Variants in PCDHGA12 observed in about 807,000 individuals in gnomAD.
The protein encoded by PCDHGA12 is protocadherin gamma-A12.
In PCDHGA12, 43 loss-of-function variants were observed where a neutral mutation model predicts 61.1. The ratio of observed to expected loss-of-function variants is 0.70; its 90% CI spans 0.55 to 0.91. The LOEUF (loss-of-function observed/expected upper bound fraction) is 0.91. Ranked by LOEUF, PCDHGA12 falls within the 40% of genes least tolerant of loss-of-function variation. PCDHGA12 has a pLI of 0.00. For synonymous variants in PCDHGA12, 520 were observed against 542.9 expected (o/e 0.96, Z 0.59); for missense variants, 1,236 against 1,227.7 (o/e 1.01, Z -0.10).
At chr5:141,482,809 T>C (rs1295469639) in intron 1 of PCDHGA12, among the ~76,000 whole-genome samples, 1 of 152,170 alleles carries the variant, frequency 6.6e-6, no homozygotes, top group Non-Finnish European at 1.5e-5. Flanking sequence ...CGGTGGCTCA[T>C]GCCTGTAATC....
Position 141,491,329 on chromosome 5 carries a change from G to A in PCDHGA12, c.2425-3478G>A. The A allele has an allele frequency of 6.2e-7, 1 of 1,614,142 alleles. No individual in the cohort carries two copies. Among genetic ancestry groups the A allele is most frequent in the Non-Finnish European group, 8.5e-7 (1 of 1,180,022 alleles). On this transcript the variant is annotated intron_variant, in intron 1 of 3. Coordinates refer to ENST00000252085, the MANE Select transcript of PCDHGA12 (RefSeq NM_003735.3). The surrounding 1 kb of genome is among the most constrained non-coding windows in gnomAD (Gnocchi z 6.9). ...AGACCTTACCCTTTACCTCATTGTG[G>A]CTCTAGCGACCGTCAGTCTCTTATC...
At chr5:141,458,870 C>G (rs540373442) in intron 1 of PCDHGA12, among the ~76,000 whole-genome samples, 1 of 152,264 alleles carries the variant, frequency 6.6e-6, no homozygotes, top group South Asian at 2.1e-4. Flanking sequence ...GTAGCTGGGA[C>G]TACAGGCATG....
chr5:141,491,254 G>A lies in PCDHGA12; in HGVS notation c.2425-3553G>A, dbSNP rs746242389. ...GCTGGTTCTGGAGGATGAGGACCCT[G>A]AGGAAATGCCCAAATCCAGTGACTT... is the stretch of plus-strand genomic sequence containing the variant. On this transcript the variant is annotated intron_variant, in intron 1 of 3. Coordinates refer to ENST00000252085, the MANE Select transcript of PCDHGA12 (RefSeq NM_003735.3). This position sits in a 1 kb window ranked among gnomAD's most constrained non-coding sequence, Gnocchi z 6.9. 24 of 1,614,198 alleles carry A rather than the reference G, an allele frequency of 1.5e-5. No individual in the cohort carries two copies. The highest frequency in any genetic ancestry group is 2.0e-5 in the Non-Finnish European group (24 of 1,180,018).
intron 2 of PCDHGA12, among the ~76,000 whole-genome samples, chr5:141,504,947 A>G (rs1595930930): frequency 6.6e-6 from 1 of 152,200 alleles, no homozygotes; most frequent in Non-Finnish European, 1.5e-5. Context: ...GGAATGCACT[A>G]TGTTCAATGC....
At position 141,494,704 on chromosome 5, in the gene PCDHGA12, T is replaced by C. The variant is rs2099756232; in HGVS notation, c.2425-103T>C. Reference sequence around the variant, plus strand: ...CCCCCTCTTAGTCCGTTTTCTTCTCTGTGCCCACTCCCCTCCTTCTCTCCC... The same window carrying C: ...CCCCCTCTTAGTCCGTTTTCTTCTCCGTGCCCACTCCCCTCCTTCTCTCCC... On this transcript the variant is annotated intron_variant, in intron 1 of 3. Transcript: ENST00000252085. The C allele has an allele frequency of 3.1e-6, 5 of 1,597,570 alleles. No individual in the cohort carries two copies. The Admixed American group carries it at 8.5e-5, about 27-fold the overall frequency.
In PCDHGA12 at chr5:141,430,924, G is replaced by A. The variant is rs1217400258; in HGVS notation, c.165G>A (p.Glu55=). 6.2e-7 allele frequency: 1 copy of A among 1,607,462 alleles called. No individual in the cohort carries two copies. The highest frequency in any genetic ancestry group is 1.7e-5 in the Admixed American group (1 of 58,768). ...ACATCTCCAGGGACCTGGGGCTGGAGCCCCGGGAGCTCGCGGAGCGCGGAG... is the reference window on the plus strand; with the variant it reads ...ACATCTCCAGGGACCTGGGGCTGGAACCCCGGGAGCTCGCGGAGCGCGGAG... ...VGDISRDLGL[E]PRELAERGVR... is the part of the protein sequence containing the mutation. The change falls in exon 1 of 4, where the codon GAG becomes GAA. Residue 55 remains glutamate (E), a synonymous_variant. Coordinates refer to ENST00000252085, the MANE Select transcript of PCDHGA12 (RefSeq NM_003735.3).
Position 141,489,898 on chromosome 5 carries a change from C to T in PCDHGA12, c.2425-4909C>T. On this transcript the variant is annotated intron_variant, in intron 1 of 3. Transcript: ENST00000252085. The surrounding 1 kb of genome is among the most constrained non-coding windows in gnomAD (Gnocchi z 4.5). ...GCTTACTGCTGTGGATGGGGGGACC[C>T]CAGCCCGCTCAGGGACCACCCTTAT... 6.2e-7 allele frequency: 1 copy of T among 1,614,216 alleles called. No homozygotes were observed. Among genetic ancestry groups the T allele is most frequent in the Non-Finnish European group, 8.5e-7 (1 of 1,180,036 alleles).
chr5:141,486,803 C>T lies in PCDHGA12; in HGVS notation c.2425-8004C>T. 1 of 1,614,228 alleles carries T rather than the reference C, an allele frequency of 6.2e-7. No homozygotes were observed. Among genetic ancestry groups the T allele is most frequent in the South Asian group, 1.1e-5 (1 of 91,084 alleles). ...GCAGGCCCGGGATCGGGGCAACCCACCCCTTAGCAGCACTGTAACAGTTCG... is the reference window on the plus strand; with the variant it reads ...GCAGGCCCGGGATCGGGGCAACCCATCCCTTAGCAGCACTGTAACAGTTCG... On this transcript the variant is annotated intron_variant, in intron 1 of 3. Coordinates refer to ENST00000252085, the MANE Select transcript of PCDHGA12 (RefSeq NM_003735.3). The surrounding 1 kb of genome is among the most constrained non-coding windows in gnomAD (Gnocchi z 5.0).
rs201857404 is a variant in PCDHGA12, at chr5:141,485,844, G to C, written c.2425-8963G>C. The C allele has an allele frequency of 1.1e-5, 18 of 1,613,772 alleles. No homozygotes were observed. The highest frequency in any genetic ancestry group is 1.4e-5 in the Non-Finnish European group (16 of 1,179,956). ...GATGGAGGGAACCCGCCGAGATCTG[G>C]CACCGCAGAGCTCCGGGTATCCGTG... is the stretch of plus-strand genomic sequence containing the variant. On this transcript the variant is annotated intron_variant, in intron 1 of 3. Transcript: ENST00000252085. This position sits in a 1 kb window ranked among gnomAD's most constrained non-coding sequence, Gnocchi z 5.7.
At chr5:141,464,035 C>T (rs564886798) in intron 1 of PCDHGA12, among the ~76,000 whole-genome samples, 1 of 152,066 alleles carries the variant, frequency 6.6e-6, no homozygotes, top group African/African-American at 2.4e-5. Context: ...GAGGCCAAGG[C>T]GGGTGGATCA....
chr5:141,509,115 G>C (rs1480955058), intron 3 of PCDHGA12, among the ~76,000 whole-genome samples: 1 of 152,186 alleles, frequency 6.6e-6, no homozygotes, highest in Non-Finnish European at 1.5e-5. Flanking sequence ...GAGCGCTGGT[G>C]CGTGAAGAGA....
intron 1 of PCDHGA12, among the ~76,000 whole-genome samples, chr5:141,482,442 C>T (rs942933015): frequency 1.4e-5 from 2 of 147,678 alleles, no homozygotes; most frequent in Non-Finnish European, 3.0e-5. Flanking sequence ...CTGATATTCA[C>T]CATTTATTAG....
At chr5:141,441,948 G>A in intron 1 of PCDHGA12, 1 of 332,472 alleles carries the variant, frequency 3.0e-6, no homozygotes, top group Non-Finnish European at 5.8e-6. Flanking sequence ...ACGTGCTGCA[G>A]GCCAGCAAGC....
At chr5:141,439,126 G>A (rs2098089550) in intron 1 of PCDHGA12, among the ~76,000 whole-genome samples, 1 of 151,328 alleles carries the variant, frequency 6.6e-6, no homozygotes, top group African/African-American at 2.4e-5. Flanking sequence ...CCGGGAGACA[G>A]AGGTTGCAGT....
chr5:141,455,860 ATTAT>A (rs145569377), intron 1 of PCDHGA12, among the ~76,000 whole-genome samples: 54,169 of 139,612 alleles, frequency 0.39, 10,686 homozygotes, highest in Admixed American at 0.44. Context: ...AATTTCTTTT[ATTAT>A]TTATTTATTT....
At chr5:141,433,848 A>AAC (rs1403081382) in intron 1 of PCDHGA12, among the ~76,000 whole-genome samples, 1 of 151,964 alleles carries the variant, frequency 6.6e-6, no homozygotes, top group South Asian at 2.1e-4. Context: ...AAAAAAAAAA[A>AAC]AAAAAAACTT....
intron 1 of PCDHGA12, chr5:141,478,582 G>T: frequency 1.3e-6 from 2 of 1,579,988 alleles, no homozygotes; most frequent in Non-Finnish European, 1.7e-6. Context: ...CCCTGTTAGT[G>T]CTTTTTTATT....
In PCDHGA12 at chr5:141,431,059, C is replaced by G. The variant is rs367774626; in HGVS notation, c.300C>G (p.Ile100Met). ...IDREELCMGA[I>M]KCQLNLDILM... ...GGGAGGAGCTCTGTATGGGGGCCAT[C>G]AAGTGTCAATTAAATCTAGACATTC... Residue 100 changes from isoleucine (I) to methionine (M), a missense_variant, in exon 1 of 4, where the codon ATC becomes ATG. Coordinates refer to ENST00000252085, the MANE Select transcript of PCDHGA12 (RefSeq NM_003735.3). This position sits in a 1 kb window ranked among gnomAD's most constrained non-coding sequence, Gnocchi z 4.8. 1 of 1,614,136 alleles carries G rather than the reference C, an allele frequency of 6.2e-7. No individual in the cohort carries two copies.
At chr5:141,458,094 A>G (rs1036190372) in intron 1 of PCDHGA12, among the ~76,000 whole-genome samples, 3 of 152,260 alleles carry the variant, frequency 2.0e-5, no homozygotes, top group African/African-American at 7.2e-5. Context: ...AGTTAAGAGT[A>G]CTTACAGATA....
Sources: gnomAD v4.1 joint callset for allele counts (sites outside exome capture counted in the v4.1 genomes callset) on GRCh38, gnomAD v4.1.1 for gene constraint, Gnocchi (gnomAD v3.1) non-coding constraint, MANE v1.5 for transcripts, NCBI Gene and HGNC (gene_info 2026-07-23, HGNC 2026-07-21) for gene names.